Variants in FAT3 observed in about 807,000 individuals in gnomAD.
FAT3 encodes protocadherin Fat 3.
A neutral mutation model predicts 310.2 loss-of-function variants in FAT3; 95 were observed. The observed-to-expected ratio is 0.31, with a 90% confidence interval of 0.26 to 0.36. The LOEUF is 0.36. Among genes scored for constraint, FAT3 ranks in the 10% least tolerant of loss-of-function variants. The pLI, the probability that FAT3 is intolerant of heterozygous loss-of-function variation, is 1.00. For missense variants in FAT3, 5,408 were observed against 5,715.6 expected, an observed-to-expected ratio of 0.95 and a Z score of 1.74; for synonymous variants, 2,314 against 2,192.9, an observed-to-expected ratio of 1.06 and a Z score of -1.54.
At chr11:92,617,986 G>C (rs1591526231) in intron 3 of FAT3, among the ~76,000 whole-genome samples, 1 of 152,200 alleles carries the variant, frequency 6.6e-6, no homozygotes, top group Non-Finnish European at 1.5e-5. Context: ...TCCATGCTGG[G>C]AGAACCACTA....
intron 1 of FAT3, among the ~76,000 whole-genome samples, chr11:92,304,347 G>A (rs558436598): frequency 6.6e-6 from 1 of 152,184 alleles, no homozygotes; most frequent in East Asian, 1.9e-4. Context: ...GATTGATACA[G>A]GTATAAACAT....
At chr11:92,789,541 C>G (rs1374028275) in intron 7 of FAT3, among the ~76,000 whole-genome samples, 1 of 152,074 alleles carries the variant, frequency 6.6e-6, no homozygotes, top group Non-Finnish European at 1.5e-5. Flanking sequence ...TACTCCTTTT[C>G]CCATTCTGTC....
chr11:92,303,592 T>C (rs1947051487), intron 1 of FAT3, among the ~76,000 whole-genome samples: 1 of 152,130 alleles, frequency 6.6e-6, no homozygotes, highest in Non-Finnish European at 1.5e-5. Flanking sequence ...ATTTAGCTCT[T>C]CTTGAGTCTA....
chr11:92,511,875 A>T (rs1318678351), intron 2 of FAT3, among the ~76,000 whole-genome samples: 2 of 152,234 alleles, frequency 1.3e-5, no homozygotes, highest in African/African-American at 4.8e-5. Flanking sequence ...TCAAAATAAT[A>T]CATTTCAGCA....
intron 1 of FAT3, among the ~76,000 whole-genome samples, chr11:92,265,994 A>G (rs1176870989): frequency 2.0e-5 from 3 of 152,130 alleles, no homozygotes; most frequent in Non-Finnish European, 4.4e-5. Flanking sequence ...TTTCAAGTCC[A>G]TCATTTCTTG....
chr11:92,484,396 A>G (rs897358182), intron 2 of FAT3, among the ~76,000 whole-genome samples: 1 of 152,098 alleles, frequency 6.6e-6, no homozygotes, highest in Non-Finnish European at 1.5e-5. Context: ...TAAAAGAAAA[A>G]CCTCTGGGAG....
At chr11:92,667,793 T>G (rs1591585849) in intron 3 of FAT3, among the ~76,000 whole-genome samples, 1 of 152,338 alleles carries the variant, frequency 6.6e-6, no homozygotes, top group Non-Finnish European at 1.5e-5. Context: ...CTCACTCCTT[T>G]GTGGAGCTGG....
chr11:92,481,226 A>G (rs1480121362), intron 2 of FAT3, among the ~76,000 whole-genome samples: 1 of 152,222 alleles, frequency 6.6e-6, no homozygotes, highest in African/African-American at 2.4e-5. Flanking sequence ...TGCCTATTCA[A>G]ATAGAAATAT....
At chr11:92,481,921 A>G (rs992824296) in intron 2 of FAT3, among the ~76,000 whole-genome samples, 1 of 152,180 alleles carries the variant, frequency 6.6e-6, no homozygotes, top group South Asian at 2.1e-4. Context: ...GCACACATAA[A>G]GTATAATTTA....
chr11:92,388,348 G>C (rs1156692980), intron 2 of FAT3, among the ~76,000 whole-genome samples: 2 of 152,050 alleles, frequency 1.3e-5, no homozygotes, highest in African/African-American at 4.8e-5. Context: ...GATGCCTCCT[G>C]ATCTCCCAAC....
At chr11:92,819,745 T>A (rs939528690) in intron 13 of FAT3, among the ~76,000 whole-genome samples, 1 of 152,182 alleles carries the variant, frequency 6.6e-6, no homozygotes, top group Non-Finnish European at 1.5e-5. Flanking sequence ...TATTTCAAAG[T>A]AGTGGTAAGT....
rs1292272274 is a variant in FAT3 at position 92,894,081 on chromosome 11, C to T, written c.*2968C>T. 6.6e-6 allele frequency: 1 copy of T among 152,180 alleles called. No homozygotes were observed. The highest frequency in any genetic ancestry group is 1.5e-5 in the Non-Finnish European group (1 of 68,040). 9.4% of individuals were successfully genotyped at this position (152,180 alleles called of 1,614,324 possible). On this transcript the variant is annotated 3_prime_UTR_variant, in exon 28 of 28. Transcript: ENST00000525166. ...ATGGGAGTCACCTGGTTCTGATGGA[C>T]CCTCTGACTTCCACCATTCCTTCTT...
chr11:92,343,607 C>G (rs1948330979), intron 1 of FAT3, among the ~76,000 whole-genome samples: 1 of 152,114 alleles, frequency 6.6e-6, no homozygotes, highest in South Asian at 2.1e-4. Context: ...TCGTGTTAGA[C>G]CTTGTAGCTC....
chr11:92,238,347 A>C (rs774603857), intron 1 of FAT3, among the ~76,000 whole-genome samples: 56 of 152,158 alleles, frequency 3.7e-4, no homozygotes, highest in Non-Finnish European at 3.8e-4. Flanking sequence ...CTAAATCTTT[A>C]AGTAAAATTG....
At chr11:92,777,040 AG>A (rs1946615927) in intron 7 of FAT3, among the ~76,000 whole-genome samples, 1 of 152,228 alleles carries the variant, frequency 6.6e-6, no homozygotes, top group Admixed American at 6.5e-5. Flanking sequence ...GGGAAATAAA[AG>A]GCATTCTGAA....
chr11:92,601,559 TGCACTCCA>T (rs1280837887), intron 3 of FAT3, among the ~76,000 whole-genome samples: 2 of 152,224 alleles, frequency 1.3e-5, no homozygotes, highest in Admixed American at 6.5e-5. Context: ...CGCACACCAC[TGCACTCCA>T]GCCTGGATGA....
At chr11:92,735,585 GA>G (rs1945320119) in intron 4 of FAT3, among the ~76,000 whole-genome samples, 1 of 150,764 alleles carries the variant, frequency 6.6e-6, no homozygotes, top group African/African-American at 2.5e-5. Context: ...TAGATAGATA[GA>G]TAGATAGATA....
chr11:92,783,357 C>CAAAAAAAA (rs35357267), intron 7 of FAT3, among the ~76,000 whole-genome samples: 2 of 45,072 alleles, frequency 4.4e-5, no homozygotes, highest in Admixed American at 6.2e-4. Context: ...GACTCCATCT[C>CAAAAAAAA]AAAAAAAAAA....
intron 4 of FAT3, among the ~76,000 whole-genome samples, chr11:92,698,628 A>G (rs1436362227): frequency 7.2e-5 from 11 of 152,172 alleles, no homozygotes. Flanking sequence ...CAATACTATG[A>G]TAATCCTTTT....
Sources: allele counts gnomAD v4.1 joint callset (sites outside exome capture counted in the v4.1 genomes callset), GRCh38; gene constraint gnomAD v4.1.1; transcripts MANE v1.5; gene names NCBI Gene and HGNC (gene_info 2026-07-23, HGNC 2026-07-21).